TPD52L1: variants seen among roughly 807,000 people sequenced by gnomAD.
TPD52L1 encodes tumor protein D53.
In TPD52L1, 18 loss-of-function variants were observed where a neutral mutation model predicts 28.7. That is an observed-to-expected ratio of 0.63 (90% CI 0.43 to 0.93). The LOEUF (loss-of-function observed/expected upper bound fraction) is 0.93, where lower values mean the gene tolerates loss of function less well. Ranked by LOEUF, TPD52L1 falls within the 40% of genes least tolerant of loss-of-function variation. The pLI is 0.00. For missense variants in TPD52L1, 203 were observed against 254.8 expected, an observed-to-expected ratio of 0.80 and a Z score of 1.39; for synonymous variants, 75 against 88.8, an observed-to-expected ratio of 0.84 and a Z score of 0.88.
Position 125,225,462 on chromosome 6 carries a change from T to C in TPD52L1, c.136-3656T>C, listed in dbSNP as rs1030034353. 1.2e-4 allele frequency among the ~76,000 whole-genome samples: 18 copies of C among 152,308 alleles called. No individual in the cohort carries two copies. In the East Asian group the frequency reaches 3.5e-3, roughly 29 times the overall value. On this transcript the variant is annotated intron_variant, in intron 2 of 6. Coordinates refer to ENST00000534000, the MANE Select transcript of TPD52L1 (RefSeq NM_003287.4). ...CCACAGTGGCGGAACTATTTTACAT[T>C]CCTGCCAGTAATGTACAAAGGTTCC...
At chr6:125,197,838 G>A (rs1276106781) in intron 1 of TPD52L1, among the ~76,000 whole-genome samples, 1 of 152,188 alleles carries the variant, frequency 6.6e-6, no homozygotes, top group African/African-American at 2.4e-5. Flanking sequence ...GAGGGAGGCA[G>A]GGGATGTTAC....
chr6:125,193,884 C>T (rs751212972), intron 1 of TPD52L1, among the ~76,000 whole-genome samples: 3 of 151,986 alleles, frequency 2.0e-5, no homozygotes, highest in East Asian at 3.9e-4. Context: ...AGCCCTGGCC[C>T]GGGGCTTCAA....
At chr6:125,177,542 G>A (rs1001649359) in intron 1 of TPD52L1, among the ~76,000 whole-genome samples, 1 of 152,096 alleles carries the variant, frequency 6.6e-6, no homozygotes, top group African/African-American at 2.4e-5. Context: ...TTATACATGG[G>A]AAAACCAGAA....
chr6:125,203,739 G>A, intron 1 of TPD52L1: 1 of 985,406 alleles, frequency 1.0e-6, no homozygotes, highest in Non-Finnish European at 1.2e-6. Flanking sequence ...CTCCCCTGGA[G>A]TGAAGTTCTA....
intron 6 of TPD52L1, chr6:125,260,987 A>T (rs1473766693): frequency 0.016 from 533 of 33,850 alleles, 32 homozygotes; most frequent in African/African-American, 0.11. Context: ...AAAAGAAAAG[A>T]AAGAAAGAAA....
chr6:125,191,896 A>G (rs1793069169), intron 1 of TPD52L1, among the ~76,000 whole-genome samples: 1 of 152,236 alleles, frequency 6.6e-6, no homozygotes, highest in South Asian at 2.1e-4. Context: ...GCCAGTATTC[A>G]TACTGTGTAA....
At chr6:125,256,708 C>G (rs6934670) in intron 5 of TPD52L1, among the ~76,000 whole-genome samples, 3 of 152,164 alleles carry the variant, frequency 2.0e-5, no homozygotes, top group African/African-American at 7.2e-5. Context: ...CCATTGCTTA[C>G]TAAAAAACCT....
In TPD52L1 at chr6:125,220,196, A is replaced by G; in HGVS notation, c.135+3A>G. 1 of 1,571,490 alleles carries G rather than the reference A, an allele frequency of 6.4e-7. No homozygotes were observed. Among genetic ancestry groups the G allele is most frequent in the Non-Finnish European group, 8.8e-7 (1 of 1,141,424 alleles). On this transcript the variant is annotated splice_donor_region_variant and intron_variant, in intron 2 of 6. Coordinates refer to ENST00000534000, the MANE Select transcript of TPD52L1 (RefSeq NM_003287.4). ...AGTTAAAAGCAGAGTTAGTTCAGGT[A>G]TGTTTAGTAATCTTATTGTTGCTAT...
intron 1 of TPD52L1, among the ~76,000 whole-genome samples, chr6:125,170,777 G>A (rs1370514895): frequency 6.6e-6 from 1 of 152,152 alleles, no homozygotes; most frequent in African/African-American, 2.4e-5. Context: ...CACCTGTTCA[G>A]AGCCTTTGGT....
chr6:125,220,101 C>G lies in TPD52L1; in HGVS notation c.43C>G (p.Gln15Glu). ...AQGLLETEPLQGTDEDAVASA... is the reference protein window; with the variant it reads ...AQGLLETEPLEGTDEDAVASA... ...AGGTTTGTTGGAGACTGAACCGTTGCAAGGAACAGACGAAGATGCAGTAGC... is the reference window on the plus strand; with the variant it reads ...AGGTTTGTTGGAGACTGAACCGTTGGAAGGAACAGACGAAGATGCAGTAGC... The change falls in exon 2 of 7, where the codon CAA (glutamine) becomes GAA (glutamate). Residue 15 changes from glutamine (Q) to glutamate (E), a missense_variant. Coordinates refer to ENST00000534000, the MANE Select transcript of TPD52L1 (RefSeq NM_003287.4). 8 of 1,613,626 alleles carry G rather than the reference C, an allele frequency of 5.0e-6. No individual in the cohort carries two copies. The highest frequency in any genetic ancestry group is 6.8e-6 in the Non-Finnish European group (8 of 1,179,662).
At chr6:125,236,125 T>C (rs1389721730) in intron 3 of TPD52L1, among the ~76,000 whole-genome samples, 1 of 152,186 alleles carries the variant, frequency 6.6e-6, no homozygotes, top group African/African-American at 2.4e-5. Context: ...CATAACTCTT[T>C]TGGGCCTCAG....
intron 1 of TPD52L1, chr6:125,154,637 C>G (rs970333104): frequency 1.6e-6 from 1 of 627,728 alleles, no homozygotes; most frequent in African/African-American, 2.0e-5. Context: ...CTGGAGGAGC[C>G]TGCGGTGGCT....
At chr6:125,236,429 C>A (rs765617879) in intron 3 of TPD52L1, among the ~76,000 whole-genome samples, 2 of 152,120 alleles carry the variant, frequency 1.3e-5, no homozygotes, top group African/African-American at 2.4e-5. Flanking sequence ...TCAATATATA[C>A]TTCTCTCTAG....
chr6:125,182,517 G>A (rs1459549212), intron 1 of TPD52L1, among the ~76,000 whole-genome samples: 3 of 152,124 alleles, frequency 2.0e-5, no homozygotes, highest in Admixed American at 1.3e-4. Flanking sequence ...GAGGGAACCT[G>A]CCATCTGGAA....
Position 125,172,537 on chromosome 6 carries a change from T to TATATATATTATATATATATATA in TPD52L1, c.19+18575_19+18576insTATATATATATATAATATATAT, listed in dbSNP as rs1791520660. Among the ~76,000 whole-genome samples, 19 of 88,882 alleles carry TATATATATTATATATATATATA rather than the reference T, an allele frequency of 2.1e-4. 2 individuals are homozygous for TATATATATTATATATATATATA. Among genetic ancestry groups the TATATATATTATATATATATATA allele is most frequent in the Non-Finnish European group, 3.5e-4 (17 of 48,430 alleles). 58.3% of individuals were successfully genotyped at this position (88,882 alleles called of 152,430 possible). A position where few individuals can be genotyped will look rare whatever the true frequency, so the allele number is the denominator to read the frequency against. Reference sequence around the variant, plus strand: ...CTATATATATATATATATATATATATATATATATATATATAATATATATAC... The same window carrying TATATATATTATATATATATATA: ...CTATATATATATATATATATATATATATATATATTATATATATATATAATATATATATATATAATATATATAC... On this transcript the variant is annotated intron_variant, in intron 1 of 6. Coordinates refer to ENST00000534000, the MANE Select transcript of TPD52L1 (RefSeq NM_003287.4).
At chr6:125,188,738 G>A (rs905367401) in intron 1 of TPD52L1, among the ~76,000 whole-genome samples, 2 of 152,206 alleles carry the variant, frequency 1.3e-5, no homozygotes, top group African/African-American at 4.8e-5. Flanking sequence ...GTGACCTGCA[G>A]TTTGAAAACA....
At chr6:125,202,030 T>C (rs1793826622) in intron 1 of TPD52L1, among the ~76,000 whole-genome samples, 1 of 152,214 alleles carries the variant, frequency 6.6e-6, no homozygotes, top group Non-Finnish European at 1.5e-5. Context: ...TGACCAATGC[T>C]TTTTGAATGT....
chr6:125,212,456 T>C (rs1794587511), intron 1 of TPD52L1, among the ~76,000 whole-genome samples: 1 of 152,232 alleles, frequency 6.6e-6, no homozygotes, highest in Non-Finnish European at 1.5e-5. Flanking sequence ...CGGTCCTCTG[T>C]ATTGTTTCAA....
At chr6:125,189,312 C>T (rs1490984580) in intron 1 of TPD52L1, among the ~76,000 whole-genome samples, 1 of 152,144 alleles carries the variant, frequency 6.6e-6, no homozygotes, top group East Asian at 1.9e-4. Flanking sequence ...ATTCTAAATA[C>T]AGGATTTGTG....
Sources: gnomAD v4.1 joint callset for allele counts (sites outside exome capture counted in the v4.1 genomes callset) on GRCh38, gnomAD v4.1.1 for gene constraint, MANE v1.5 for transcripts, NCBI Gene and HGNC (gene_info 2026-07-23, HGNC 2026-07-21) for gene names.